PCDHGB4: variants seen among roughly 807,000 people sequenced by gnomAD.
PCDHGB4 encodes the protein protocadherin gamma subfamily B, 4.
PCDHGB4 carries 38 observed loss-of-function variants against 60.5 expected under a neutral mutation model. The observed-to-expected ratio is 0.63, with a 90% CI of 0.48 to 0.82. The LOEUF is 0.82. Among genes scored for constraint, PCDHGB4 ranks in the 40% least tolerant of loss-of-function variants. The probability of loss-of-function intolerance (pLI) is 0.00; values close to 1 mark genes in which losing one functional copy is unlikely to be tolerated. For synonymous variants in PCDHGB4, 456 were observed against 509.7 expected, an observed-to-expected ratio of 0.89 and a Z score of 1.42; for missense variants, 1,109 against 1,209.6, an observed-to-expected ratio of 0.92 and a Z score of 1.23.
chr5:141,410,789 A>G (rs1264282350), intron 1 of PCDHGB4: 13 of 794,352 alleles, frequency 1.6e-5, no homozygotes, highest in Non-Finnish European at 2.4e-5. Flanking sequence ...TATTTGGTTC[A>G]TAAGTTGCTC....
intron 1 of PCDHGB4, among the ~76,000 whole-genome samples, chr5:141,472,213 C>T (rs1294676431): frequency 2.0e-5 from 3 of 152,178 alleles, no homozygotes; most frequent in African/African-American, 7.2e-5. Flanking sequence ...TAAGACCTTA[C>T]TCTCGATCAT....
rs368512862 is a variant in PCDHGB4 at position 141,491,734 on chromosome 5, G to T, written c.2398-3073G>T. ...CTCGGCGCCGCCCCGGGCGACCCCT[G>T]GGGGCGGCACTGGAGAAGCCGCCCG... On this transcript the variant is annotated intron_variant, in intron 1 of 3. Transcript: ENST00000519479. The surrounding 1 kb of genome is among the most constrained non-coding windows in gnomAD (Gnocchi z 6.9). 2.5e-4 allele frequency: 403 copies of T among 1,602,056 alleles called. No individual in the cohort carries two copies. Among genetic ancestry groups the T allele is most frequent in the Non-Finnish European group, 3.2e-4 (380 of 1,174,948 alleles).
Position 141,419,271 on chromosome 5 carries a change from T to C in PCDHGB4, c.2397+28990T>C, listed in dbSNP as rs2096352878. 4 of 1,613,902 alleles carry C rather than the reference T, an allele frequency of 2.5e-6. No homozygotes were observed. In the South Asian group the frequency reaches 3.3e-5, roughly 13 times the overall value. ...GAAAACAACCAGCCGGGTGCCTCCA[T>C]AGCGCAAGTCAGTGCCTCTGACCCA... On this transcript the variant is annotated intron_variant, in intron 1 of 3. Transcript: ENST00000519479.
rs1053018756 is a variant in PCDHGB4, at chr5:141,497,630, G to T, written c.2456+2765G>T. ...TCTTGGCTCACTGCAACCTCTGCCT[G>T]CCAGGTTCAAGCGATTCTCCTGCCT... is the stretch of plus-strand genomic sequence containing the variant. On this transcript the variant is annotated intron_variant, in intron 2 of 3. Coordinates refer to ENST00000519479, the MANE Select transcript of PCDHGB4 (RefSeq NM_003736.4). 3.3e-5 allele frequency among the ~76,000 whole-genome samples: 5 copies of T among 150,256 alleles called. No homozygotes were observed. The Admixed American group carries it at 3.3e-4, about 10-fold the overall frequency.
At position 141,388,390 on chromosome 5, in the gene PCDHGB4, A is replaced by C. The variant is rs202036029; in HGVS notation, c.506A>C (p.Asn169Thr). 1.1e-4 allele frequency: 182 copies of C among 1,613,912 alleles called. No individual in the cohort carries two copies. The highest frequency in any genetic ancestry group is 1.4e-4 in the Non-Finnish European group (169 of 1,179,904). The change falls in exon 1 of 4, where the codon AAT (asparagine) becomes ACT (threonine). Residue 169 changes from asparagine (N) to threonine (T), a missense_variant. This residue lies in a region of PCDHGB4 where 1,068 missense variants were observed against 1,089.9 expected (regional missense o/e 0.98). Coordinates refer to ENST00000519479, the MANE Select transcript of PCDHGB4 (RefSeq NM_003736.4). ...GATATTGGTAGCAACACACTGCAGA[A>C]TTACCAACTCAGTCCCAGTGATCAT... ...DADIGSNTLQNYQLSPSDHFS... is the reference protein window; with the variant it reads ...DADIGSNTLQTYQLSPSDHFS...
chr5:141,430,615 A>G, intron 1 of PCDHGB4: 1 of 686,990 alleles, frequency 1.5e-6, no homozygotes, highest in Non-Finnish European at 2.2e-6. Context: ...CAAAGCAGAT[A>G]GCTAGGAATG....
intron 1 of PCDHGB4, among the ~76,000 whole-genome samples, chr5:141,462,027 TG>T (rs1239347302): frequency 6.6e-6 from 1 of 152,220 alleles, no homozygotes; most frequent in African/African-American, 2.4e-5. Flanking sequence ...TTCTTCATGT[TG>T]GTCAGGCGGG....
At chr5:141,427,694 A>G in intron 1 of PCDHGB4, 2 of 913,934 alleles carry the variant, frequency 2.2e-6, no homozygotes, top group South Asian at 1.4e-5. Flanking sequence ...CCTCCATCCC[A>G]CAAGTCAGCG....
rs909174523 is a variant in PCDHGB4 at position 141,474,102 on chromosome 5, A to AAAC, written c.2398-20695_2398-20693dup. 2.6e-5 allele frequency among the ~76,000 whole-genome samples: 4 copies of AAAC among 152,286 alleles called. No homozygotes were observed. In the East Asian group the frequency reaches 7.7e-4, roughly 29 times the overall value. ...AAAACCAAAAAACAAACAACAACAA[A>AAAC]AACAACAACAACGAAAATCTCAGAA... is the stretch of plus-strand genomic sequence containing the variant. On this transcript the variant is annotated intron_variant, in intron 1 of 3. Coordinates refer to ENST00000519479, the MANE Select transcript of PCDHGB4 (RefSeq NM_003736.4).
At chr5:141,466,004 C>T (rs1336655723) in intron 1 of PCDHGB4, among the ~76,000 whole-genome samples, 1 of 151,920 alleles carries the variant, frequency 6.6e-6, no homozygotes, top group Non-Finnish European at 1.5e-5. Flanking sequence ...CACCTGTAGT[C>T]CCAGCTACTC....
intron 1 of PCDHGB4, chr5:141,394,355 G>C (rs767192511): frequency 4.3e-6 from 7 of 1,614,064 alleles, no homozygotes; most frequent in African/African-American, 1.3e-5. Context: ...CCGGTGTCCT[G>C]TATGCGCTGC....
Position 141,490,958 on chromosome 5 carries a change from A to T in PCDHGB4, c.2398-3849A>T, listed in dbSNP as rs771797392. 4.6e-5 allele frequency: 74 copies of T among 1,613,610 alleles called. No individual in the cohort carries two copies. The highest frequency in any genetic ancestry group is 1.6e-4 in the Middle Eastern group (1 of 6,084). ...CTGCACCCACGGCCAGACTGGGAAC[A>T]CTCAGCCCCCCAGCGTCTCCCTCGC... On this transcript the variant is annotated intron_variant, in intron 1 of 3. Coordinates refer to ENST00000519479, the MANE Select transcript of PCDHGB4 (RefSeq NM_003736.4). This position sits in a 1 kb window ranked among gnomAD's most constrained non-coding sequence, Gnocchi z 5.4.
chr5:141,407,732 A>G (rs1294403186), intron 1 of PCDHGB4, among the ~76,000 whole-genome samples: 3 of 152,242 alleles, frequency 2.0e-5, no homozygotes, highest in Non-Finnish European at 4.4e-5. Flanking sequence ...AAGGTTCACT[A>G]TATATACTCC....
At chr5:141,449,979 C>T (rs1382206842) in intron 1 of PCDHGB4, among the ~76,000 whole-genome samples, 1 of 148,862 alleles carries the variant, frequency 6.7e-6, no homozygotes, top group Non-Finnish European at 1.5e-5. Context: ...TCCAAAATAT[C>T]ACACATTGCA....
At chr5:141,409,708 G>C (rs2095304272) in intron 1 of PCDHGB4, 5 of 1,613,088 alleles carry the variant, frequency 3.1e-6, no homozygotes, top group Non-Finnish European at 1.7e-6. Context: ...TGGCGGTGTC[G>C]TCATACGTGT....
intron 2 of PCDHGB4, among the ~76,000 whole-genome samples, chr5:141,504,782 G>A (rs2099841011): frequency 6.6e-6 from 1 of 151,926 alleles, no homozygotes; most frequent in Non-Finnish European, 1.5e-5. Context: ...AGGGTCTCTT[G>A]GGGCCTCCTA....
chr5:141,479,324 C>G (rs2099492748), intron 1 of PCDHGB4: 1 of 152,556 alleles, frequency 6.6e-6, no homozygotes, highest in Admixed American at 6.5e-5. Context: ...TAGCCAGACT[C>G]AGTGGTGTGC....
At chr5:141,463,629 GTT>G (rs923584581) in intron 1 of PCDHGB4, among the ~76,000 whole-genome samples, 5 of 151,314 alleles carry the variant, frequency 3.3e-5, no homozygotes, top group Middle Eastern at 3.4e-3. Flanking sequence ...TTTGTATTTT[GTT>G]TAGTAGAGAC....
chr5:141,434,429 C>T (rs1379210960), intron 1 of PCDHGB4, among the ~76,000 whole-genome samples: 2 of 152,152 alleles, frequency 1.3e-5, no homozygotes, highest in Admixed American at 6.5e-5. Flanking sequence ...TCATGATGGC[C>T]GTAATGCCCA....
Sources: gnomAD v4.1 joint callset for allele counts (sites outside exome capture counted in the v4.1 genomes callset) on GRCh38, gnomAD v4.1.1 for gene constraint, gnomAD v4.1.1 regional missense constraint, Gnocchi (gnomAD v3.1) non-coding constraint, MANE v1.5 for transcripts, NCBI Gene and HGNC (gene_info 2026-07-23, HGNC 2026-07-21) for gene names.